The following ADGRG1 variants were observed in gnomAD, a reference collection of about 807,000 sequenced individuals.
ADGRG1 encodes the protein 7-transmembrane protein with no EGF-like N-terminal domains-1.
Under a neutral mutation model 73.5 loss-of-function variants are expected in ADGRG1, and 53 were observed. The ratio of observed to expected loss-of-function variants is 0.72; its 90% confidence interval spans 0.58 to 0.91. The LOEUF (loss-of-function observed/expected upper bound fraction) is 0.91, where lower values mean the gene tolerates loss of function less well. ADGRG1 is among the 40% of genes least tolerant of loss of function. ADGRG1 has a pLI of 0.00. For missense variants in ADGRG1, 795 were observed against 871.8 expected (o/e 0.91, Z 1.11); for synonymous variants, 394 against 374.4 (o/e 1.05, Z -0.60).
At chr16:57,653,425 G>T in intron 4 of ADGRG1, 90 bp downstream of exon 4, 3 of 1,577,892 alleles carry the variant, frequency 1.9e-6, no homozygotes, top group Non-Finnish European at 2.6e-6. Context: ...AGGGGCTACT[G>T]CGAGGCCTTC....
chr16:57,660,245 G>A, intron 11 of ADGRG1: 2 of 985,352 alleles, frequency 2.0e-6, no homozygotes, highest in Non-Finnish European at 2.4e-6. Context: ...ACTCCAGCTT[G>A]CTGCTCTTCG....
intron 1 of ADGRG1, chr16:57,636,031 C>A (rs958261852): frequency 2.0e-6 from 2 of 985,204 alleles, no homozygotes; most frequent in East Asian, 1.1e-4. Flanking sequence ...CCTGCTAGAT[C>A]GCAGGACCCC....
At position 57,661,890 on chromosome 16, in the gene ADGRG1, A is replaced by G; in HGVS notation, c.1858A>G (p.Ile620Val). 2.5e-6 allele frequency: 4 copies of G among 1,614,212 alleles called. No homozygotes were observed. The East Asian group carries it at 8.9e-5, about 36-fold the overall frequency. ...SLVLGLPWAL[I>V]FFSFASGTFQ... ...GGTCCTTGGCCTGCCCTGGGCCTTG[A>G]TCTTCTTCTCCTTTGCTTCTGGCAC... The change falls in exon 13 of 14, where the codon ATC (isoleucine) becomes GTC (valine). Residue 620 changes from isoleucine (I) to valine (V), a missense_variant. Transcript: ENST00000562631.
chr16:57,650,155 A>G, intron 1 of ADGRG1, 98 bp from the exon 2 acceptor site: 1 of 1,552,350 alleles, frequency 6.4e-7, no homozygotes, highest in African/African-American at 1.4e-5. Context: ...TCCCCACCTC[A>G]CCTCCCACAT....
chr16:57,624,109 C>T (rs1420237800), upstream of ADGRG1: 18 of 606,980 alleles, frequency 3.0e-5, no homozygotes, highest in African/African-American at 3.6e-4. Context: ...ATTTATTGAG[C>T]ACCTACTGTG....
chr16:57,660,287 T>C, intron 11 of ADGRG1: 1 of 985,244 alleles, frequency 1.0e-6, no homozygotes, highest in Non-Finnish European at 1.2e-6. Context: ...TCTTTGTCCA[T>C]TCCCCCATTT....
intron 11 of ADGRG1, among the ~76,000 whole-genome samples, 180 bp downstream of exon 11, chr16:57,659,861 G>A: frequency 6.6e-6 from 1 of 152,158 alleles, no homozygotes; most frequent in Non-Finnish European, 1.5e-5. Context: ...GAAGCAGTGA[G>A]CCCTGTCCCC....
chr16:57,630,607 T>A, intron 1 of ADGRG1: 1 of 814,990 alleles, frequency 1.2e-6, no homozygotes, highest in Non-Finnish European at 1.5e-6. Context: ...CCTGGGCCAC[T>A]GGGCAAGGGC....
intron 10 of ADGRG1, among the ~76,000 whole-genome samples, chr16:57,658,084 G>A (rs1204634236): frequency 6.6e-6 from 1 of 152,130 alleles, no homozygotes; most frequent in Non-Finnish European, 1.5e-5. Flanking sequence ...CTAAGAATCT[G>A]TTTCTTTCCT....
At chr16:57,636,077 T>C (rs1447448368) in intron 1 of ADGRG1, 1 of 985,240 alleles carries the variant, frequency 1.0e-6, no homozygotes, top group Non-Finnish European at 1.2e-6. Flanking sequence ...CCTCCTTGCT[T>C]GACCTTGGAG....
At chr16:57,644,325 T>C in intron 1 of ADGRG1, 2 of 390,356 alleles carry the variant, frequency 5.1e-6, no homozygotes, top group Non-Finnish European at 6.8e-6. Flanking sequence ...ACAAGGACAT[T>C]CATGCATGGG....
chr16:57,661,356 C>T (rs760195164), intron 12 of ADGRG1: 69 of 985,034 alleles, frequency 7.0e-5, no homozygotes, highest in Non-Finnish European at 8.3e-5. Context: ...CCTGTGGATC[C>T]CCTGAACCCA....
intron 10 of ADGRG1, among the ~76,000 whole-genome samples, chr16:57,658,340 T>C (rs1238358075): frequency 6.6e-6 from 1 of 152,204 alleles, no homozygotes; most frequent in Non-Finnish European, 1.5e-5. Flanking sequence ...AGTGACTTGC[T>C]TGAGGTCACA....
chr16:57,633,284 T>G (rs2038483310), intron 1 of ADGRG1: 1 of 978,536 alleles, frequency 1.0e-6, no homozygotes, highest in African/African-American at 1.8e-5. Context: ...AGGTTTAATC[T>G]TCCAGGTCAT....
chr16:57,635,102 C>T (rs2039024432), intron 1 of ADGRG1: 8 of 985,266 alleles, frequency 8.1e-6, no homozygotes, highest in Non-Finnish European at 9.6e-6. Flanking sequence ...GAGGGCAGGA[C>T]ACCCACCTCC....
Position 57,656,553 on chromosome 16 carries a change from C to T in ADGRG1, c.1103C>T (p.Thr368Ile). The T allele has an allele frequency of 6.2e-7, 1 of 1,613,842 alleles. No individual in the cohort carries two copies. Among genetic ancestry groups the T allele is most frequent in the Non-Finnish European group, 8.5e-7 (1 of 1,179,794 alleles). Residue 368 changes from threonine (T) to isoleucine (I), a missense_variant, in exon 9 of 14, where the codon ACC becomes ATC. By Grantham distance (89) the Thr-to-Ile change is moderately conservative. Coordinates refer to ENST00000562631, the MANE Select transcript of ADGRG1 (RefSeq NM_201525.4). Reference protein sequence around the residue: ...PGHWSSAGCETVRRETQTSCF... With the variant: ...PGHWSSAGCEIVRRETQTSCF... ...CATTGGAGCAGTGCTGGGTGTGAGA[C>T]CGTCAGGAGAGAAACCCAAACATCC...
chr16:57,624,641 AG>A, upstream of ADGRG1: 1 of 664,132 alleles, frequency 1.5e-6, no homozygotes, highest in Non-Finnish European at 1.9e-6. Context: ...AGATAGAAAA[AG>A]GGGCTGAAGA....
At position 57,628,736 on chromosome 16, in the gene ADGRG1, C is replaced by T. The variant is rs1236806966; in HGVS notation, c.-102C>T. On this transcript the variant is annotated 5_prime_UTR_variant, in exon 1 of 14. Coordinates refer to ENST00000562631, the MANE Select transcript of ADGRG1 (RefSeq NM_201525.4). ...GGACCAGGGCTGGCAGGTTAAGCCT[C>T]TGGGGGTGGATCCTGAAAGGTGGTC... 5.1e-6 allele frequency: 5 copies of T among 985,534 alleles called. No individual in the cohort carries two copies. The highest frequency in any genetic ancestry group is 4.7e-5 in the South Asian group (1 of 21,302). The allele number at this position is 985,534 out of a possible 1,614,324, so 61.0% of individuals were successfully genotyped here. A position where few individuals can be genotyped will look rare whatever the true frequency, so the allele number is the denominator to read the frequency against.
At chr16:57,660,990 G>A (rs1200832880) in intron 12 of ADGRG1, 114 bp downstream of exon 12, 9 of 750,762 alleles carry the variant, frequency 1.2e-5, no homozygotes, top group Admixed American at 1.0e-4. Flanking sequence ...CAGTCTCCTC[G>A]AGGAATTGGC....
Sources: allele counts gnomAD v4.1 joint callset (sites outside exome capture counted in the v4.1 genomes callset), GRCh38; gene constraint gnomAD v4.1.1; transcripts MANE v1.5; gene names NCBI Gene and HGNC (gene_info 2026-07-23, HGNC 2026-07-21).